SLC28A1: variants seen among roughly 807,000 people sequenced by gnomAD.
SLC28A1 encodes sodium/nucleoside cotransporter 1.
A neutral mutation model predicts 74.8 loss-of-function variants in SLC28A1; 64 were observed. That is an observed-to-expected ratio of 0.86 (90% confidence interval 0.70 to 1.05). The LOEUF (loss-of-function observed/expected upper bound fraction) is 1.05, where lower values mean the gene tolerates loss of function less well. SLC28A1 is among the 50% of genes least tolerant of loss of function. The probability of loss-of-function intolerance (pLI) is 0.00; values close to 1 mark genes in which losing one functional copy is unlikely to be tolerated. For missense variants in SLC28A1, 828 were observed against 822.8 expected (o/e 1.01, Z -0.08); for synonymous variants, 359 against 335.0 (o/e 1.07, Z -0.78).
intron 15 of SLC28A1, among the ~76,000 whole-genome samples, chr15:84,936,116 C>G (rs1395266356): frequency 6.6e-6 from 1 of 151,130 alleles, no homozygotes. Flanking sequence ...CCACCGCGCC[C>G]GGCTAATTTT....
At chr15:84,895,468 C>T (rs756486593) in intron 6 of SLC28A1, 1 of 1,611,800 alleles carries the variant, frequency 6.2e-7, no homozygotes, top group South Asian at 1.1e-5. Flanking sequence ...AGGGACCATC[C>T]CTGGAGGGGG....
chr15:84,946,112 A>ATTTTTTTTTTTT (rs1165709632), downstream of SLC28A1, among the ~76,000 whole-genome samples: 9 of 13,476 alleles, frequency 6.7e-4, 1 homozygote, highest in African/African-American at 1.3e-3. Flanking sequence ...ATATATATAT[A>ATTTTTTTTTTTT]TTTTTTTTTT....
rs539517212 is a variant in SLC28A1 at position 84,931,941 on chromosome 15, A to G, written c.1084-1204A>G. Among the ~76,000 whole-genome samples the G allele has an allele frequency of 1.1e-4, 17 of 151,944 alleles. No homozygotes were observed. In the East Asian group the frequency reaches 3.3e-3, roughly 30 times the overall value. ...TGCTTAAACCCAGGAGGCGGAGGTT[A>G]CAGTGAGCCAAGATTGTACCGCTGC... On this transcript the variant is annotated intron_variant, in intron 12 of 18. Coordinates refer to ENST00000394573, the MANE Select transcript of SLC28A1 (RefSeq NM_004213.5).
intron 5 of SLC28A1, among the ~76,000 whole-genome samples, chr15:84,891,370 G>T (rs1333630673): frequency 6.6e-6 from 1 of 152,188 alleles, no homozygotes; most frequent in East Asian, 1.9e-4. Context: ...GCCTGCTCGG[G>T]TGATAGGAGG....
intron 9 of SLC28A1, among the ~76,000 whole-genome samples, chr15:84,916,535 AC>A (rs1324390375): frequency 6.6e-6 from 1 of 152,090 alleles, no homozygotes; most frequent in Non-Finnish European, 1.5e-5. Context: ...GGCATGAACC[AC>A]CATGCTGGGC....
rs964017770 is a variant in SLC28A1 at position 84,925,067 on chromosome 15, G to GTTT, written c.1083+980_1083+982dup. On this transcript the variant is annotated intron_variant, in intron 12 of 18. Coordinates refer to ENST00000394573, the MANE Select transcript of SLC28A1 (RefSeq NM_004213.5). The stretch of plus-strand genomic sequence containing the variant: ...AGGCACGCCCCACCGCGCCCAGCTA[G>GTTT]TTTTTTTTTTTTTTTTTTTTTTTTT... Among the ~76,000 whole-genome samples, 351 of 84,130 alleles carry GTTT rather than the reference G, an allele frequency of 4.2e-3. 12 individuals are homozygous for GTTT. Among genetic ancestry groups the GTTT allele is most frequent in the Admixed American group, 0.011 (72 of 6,520 alleles). The allele number at this position is 84,130 out of a possible 152,430, so 55.2% of individuals were successfully genotyped here.
chr15:84,955,673 T>G, the SLC28A1 span, among the ~76,000 whole-genome samples: 18,405 of 152,208 alleles, frequency 0.12, 1,805 homozygotes, highest in African/African-American at 0.27. Context: ...GAGGGCTTCG[T>G]TTTGGCTGCT....
At chr15:84,932,366 G>A (rs1971410302) in intron 12 of SLC28A1, among the ~76,000 whole-genome samples, 1 of 152,224 alleles carries the variant, frequency 6.6e-6, no homozygotes, top group Non-Finnish European at 1.5e-5. Context: ...TGGGGTCCCA[G>A]TGAAGATAAA....
downstream of SLC28A1, among the ~76,000 whole-genome samples, chr15:84,948,613 C>T (rs946607378): frequency 6.6e-6 from 1 of 152,180 alleles, no homozygotes; most frequent in African/African-American, 2.4e-5. Flanking sequence ...CATTCCCTCC[C>T]TTACTGCAGC....
chr15:84,930,461 G>T (rs1465800702), intron 12 of SLC28A1, among the ~76,000 whole-genome samples: 1 of 152,092 alleles, frequency 6.6e-6, no homozygotes, highest in Non-Finnish European at 1.5e-5. Flanking sequence ...AAGTTTTGTC[G>T]ATCTTTAAAA....
chr15:84,902,460 A>G (rs1966778876), intron 6 of SLC28A1, among the ~76,000 whole-genome samples: 1 of 144,474 alleles, frequency 6.9e-6, no homozygotes, highest in African/African-American at 2.5e-5. Flanking sequence ...AGCTTGAGCA[A>G]TGGAATGAGA....
intron 6 of SLC28A1, 94 bp from the exon 7 acceptor site, chr15:84,904,003 G>A: frequency 1.3e-6 from 2 of 1,544,746 alleles, no homozygotes; most frequent in South Asian, 1.1e-5. Flanking sequence ...TCCCAGCCCT[G>A]AGCACCCTTT....
intron 12 of SLC28A1, among the ~76,000 whole-genome samples, chr15:84,926,138 T>C (rs1020814361): frequency 3.3e-5 from 5 of 149,544 alleles, no homozygotes; most frequent in Admixed American, 6.7e-5. Flanking sequence ...TATTGTATTT[T>C]ATTATATAGA....
At chr15:84,916,093 G>C (rs1438424081) in intron 9 of SLC28A1, among the ~76,000 whole-genome samples, 1 of 151,336 alleles carries the variant, frequency 6.6e-6, no homozygotes, top group Non-Finnish European at 1.5e-5. Flanking sequence ...CTTCCGAGTA[G>C]CTGGGATTAC....
At chr15:84,950,211 G>T (rs1342225810), downstream of SLC28A1, among the ~76,000 whole-genome samples, 2 of 152,114 alleles carry the variant, frequency 1.3e-5, no homozygotes. Flanking sequence ...AAAGGCAGAG[G>T]CAACAAAAGA....
intron 6 of SLC28A1, among the ~76,000 whole-genome samples, chr15:84,899,891 CAGAA>C (rs146927149): frequency 0.034 from 4,728 of 137,324 alleles, 114 homozygotes; most frequent in Non-Finnish European, 0.05. Flanking sequence ...GATACTAAGG[CAGAA>C]AGAAAGAAAG....
At chr15:84,912,806 G>GCGCGCGCACACACACA (rs764101004) in intron 9 of SLC28A1, among the ~76,000 whole-genome samples, 1 of 112,202 alleles carries the variant, frequency 8.9e-6, no homozygotes, top group African/African-American at 3.3e-5. Flanking sequence ...TTGCGCGCGC[G>GCGCGCGCACACACACA]CACACACACA....
At chr15:84,943,789 C>T (rs1024655360) in intron 16 of SLC28A1, among the ~76,000 whole-genome samples, 4 of 151,818 alleles carry the variant, frequency 2.6e-5, no homozygotes, top group African/African-American at 4.8e-5. Context: ...ATTAGCCAGG[C>T]GTGGTGGTGC....
At chr15:84,895,284 C>T (rs1965861702) in intron 6 of SLC28A1, 161 bp downstream of exon 6, 3 of 1,581,470 alleles carry the variant, frequency 1.9e-6, no homozygotes, top group Non-Finnish European at 2.6e-6. Context: ...TCAAACAAAG[C>T]AGCATCTTTG....
Sources: allele counts gnomAD v4.1 joint callset (sites outside exome capture counted in the v4.1 genomes callset), GRCh38; gene constraint gnomAD v4.1.1; transcripts MANE v1.5; gene names NCBI Gene and HGNC (gene_info 2026-07-23, HGNC 2026-07-21).